PVT1: variants seen among roughly 807,000 people sequenced by gnomAD.
PVT1 encodes Pvt1 oncogene.
intron 3 of PVT1, among the ~76,000 whole-genome samples, chr8:127,904,888 G>A (rs998198971): frequency 2.0e-5 from 3 of 152,202 alleles, no homozygotes; most frequent in Non-Finnish European, 4.4e-5. Context: ...ACCAAGCTCG[G>A]GCCCCTCTGA....
At chr8:127,897,889 AAGAAAG>A (rs993920992) in intron 3 of PVT1, among the ~76,000 whole-genome samples, 7 of 150,456 alleles carry the variant, frequency 4.7e-5, no homozygotes, top group African/African-American at 1.7e-4. Flanking sequence ...GAAAGAAAGA[AAGAAAG>A]AAAGAAAAAA....
At chr8:128,015,083 ATTTATTTATTAT>A (rs1309647663) in intron 4 of PVT1, among the ~76,000 whole-genome samples, 2 of 148,002 alleles carry the variant, frequency 1.4e-5, no homozygotes, top group African/African-American at 5.2e-5. Flanking sequence ...TTATTTATTT[ATTTATTTATTAT>A]TTATTTATTT....
At chr8:128,032,138 G>A (rs867880677) in intron 4 of PVT1, among the ~76,000 whole-genome samples, 19 of 152,232 alleles carry the variant, frequency 1.2e-4, no homozygotes, top group South Asian at 6.2e-4. Context: ...CCAGGAAACC[G>A]GGCCTTAAGA....
At chr8:127,852,422 A>G (rs1815115405) in intron 2 of PVT1, 1 of 152,302 alleles carries the variant, frequency 6.6e-6, no homozygotes, top group South Asian at 2.1e-4. Context: ...GCCTTGAGGC[A>G]GAGAGGCAGT....
intron 3 of PVT1, among the ~76,000 whole-genome samples, chr8:127,964,258 G>A (rs1488757930): frequency 6.6e-6 from 1 of 152,224 alleles, no homozygotes; most frequent in Non-Finnish European, 1.5e-5. Context: ...AGGCCTGCAT[G>A]CACCTGGATG....
At chr8:127,869,954 C>T (rs962247389) in intron 2 of PVT1, among the ~76,000 whole-genome samples, 6 of 152,156 alleles carry the variant, frequency 3.9e-5, no homozygotes, top group African/African-American at 1.4e-4. Context: ...CAGGCACCCG[C>T]CACCAGGCTT....
At chr8:128,004,876 C>G (rs570120468) in intron 4 of PVT1, among the ~76,000 whole-genome samples, 348 of 152,296 alleles carry the variant, frequency 2.3e-3, no homozygotes, top group Non-Finnish European at 3.3e-3. Context: ...CACAGTGGCT[C>G]ACGCCTGTAA....
chr8:127,826,433 G>T (rs1049387083), intron 2 of PVT1, among the ~76,000 whole-genome samples: 2 of 152,114 alleles, frequency 1.3e-5, no homozygotes, highest in Non-Finnish European at 2.9e-5. Context: ...CTGCACTTTA[G>T]TTCTTCAGGC....
In PVT1 at chr8:127,945,973, C is replaced by T. The variant is rs527850978; in HGVS notation, n.783-43189C>T. Among the ~76,000 whole-genome samples the T allele has an allele frequency of 3.9e-5, 6 of 152,264 alleles. No homozygotes were observed. In the East Asian group the frequency reaches 7.7e-4, roughly 20 times the overall value. On this transcript the variant is annotated intron_variant and non_coding_transcript_variant, in intron 3 of 10. Transcript: ENST00000651587. ...AATAAAGGACTAAAGCTACCAGCCT[C>T]GCTGCGGGTTGGAAAAAAGAAAGAG...
intron 2 of PVT1, among the ~76,000 whole-genome samples, chr8:127,859,961 TG>T (rs1234791004): frequency 1.3e-5 from 2 of 152,134 alleles, no homozygotes; most frequent in Admixed American, 1.3e-4. Flanking sequence ...CATCTCCACC[TG>T]GGTGTGGTGA....
chr8:127,889,986 C>T (rs1563631444), intron 2 of PVT1, among the ~76,000 whole-genome samples: 1 of 152,206 alleles, frequency 6.6e-6, no homozygotes, highest in Non-Finnish European at 1.5e-5. Flanking sequence ...GAAGACAAAG[C>T]TATCACCCTC....
At chr8:128,044,011 A>ATTTTTTTTTTTTTTTTTTTTTTT (rs66807418) in intron 4 of PVT1, among the ~76,000 whole-genome samples, 1 of 97,914 alleles carries the variant, frequency 1.0e-5, no homozygotes, top group African/African-American at 3.4e-5. Flanking sequence ...ATTATTATTT[A>ATTTTTTTTTTTTTTTTTTTTTTT]TTTATTTTTT....
intron 4 of PVT1, among the ~76,000 whole-genome samples, chr8:128,058,208 T>C (rs1410893583): frequency 6.6e-6 from 1 of 152,182 alleles, no homozygotes; most frequent in African/African-American, 2.4e-5. Flanking sequence ...ATGTATTGGG[T>C]AAATTAATGA....
At chr8:127,957,517 G>A (rs1405623507) in intron 3 of PVT1, among the ~76,000 whole-genome samples, 2 of 142,928 alleles carry the variant, frequency 1.4e-5, no homozygotes, top group South Asian at 2.2e-4. Flanking sequence ...GCAGTGAGCC[G>A]AGATTGCGCC....
chr8:127,822,097 G>C (rs910529315), intron 2 of PVT1, among the ~76,000 whole-genome samples: 2 of 152,198 alleles, frequency 1.3e-5, no homozygotes, highest in African/African-American at 4.8e-5. Context: ...ATGCTTCATA[G>C]AGCTGTTGTA....
At chr8:127,841,146 G>A (rs894366497) in intron 2 of PVT1, among the ~76,000 whole-genome samples, 1 of 152,236 alleles carries the variant, frequency 6.6e-6, no homozygotes, top group Non-Finnish European at 1.5e-5. Flanking sequence ...GGCAAGAAGC[G>A]CTTGGCATGT....
intron 4 of PVT1, chr8:128,048,435 C>G (rs1468657311): frequency 6.6e-6 from 1 of 152,258 alleles, no homozygotes; most frequent in Non-Finnish European, 1.5e-5. Flanking sequence ...AAGGCTTTCT[C>G]ATTATCCTTT....
intron 4 of PVT1, among the ~76,000 whole-genome samples, chr8:127,991,110 C>T (rs1270988967): frequency 6.6e-6 from 1 of 151,648 alleles, no homozygotes; most frequent in Non-Finnish European, 1.5e-5. Flanking sequence ...TCCTTGGGAG[C>T]CCTACGTAGC....
chr8:128,097,901 C>T (rs796411000), intron 6 of PVT1, among the ~76,000 whole-genome samples: 10 of 152,106 alleles, frequency 6.6e-5, no homozygotes, highest in African/African-American at 2.4e-4. Flanking sequence ...CCCCAGCCTG[C>T]CCCCAGCCAG....
Sources: gnomAD v4.1 joint callset for allele counts (sites outside exome capture counted in the v4.1 genomes callset) on GRCh38, gnomAD v4.1.1 for gene constraint, MANE v1.5 for transcripts, NCBI Gene and HGNC (gene_info 2026-07-23, HGNC 2026-07-21) for gene names.